Variants in DOCK5 observed in about 807,000 individuals in gnomAD.
DOCK5 encodes dedicator of cytokinesis 5, also known as dedicator of cytokinesis protein 5.
DOCK5 carries 142 observed loss-of-function variants against 251.8 expected under a neutral mutation model. The ratio of observed to expected loss-of-function variants is 0.56; its 90% confidence interval spans 0.49 to 0.65. DOCK5 has a LOEUF of 0.65. Among genes scored for constraint, DOCK5 ranks in the 30% least tolerant of loss-of-function variants. The probability of loss-of-function intolerance (pLI) is 0.00; values close to 1 mark genes in which losing one functional copy is unlikely to be tolerated. For synonymous variants in DOCK5, 842 were observed against 835.5 expected, an observed-to-expected ratio of 1.01 and a Z score of -0.13; for missense variants, 2,111 against 2,312.3, an observed-to-expected ratio of 0.91 and a Z score of 1.79.
intron 1 of DOCK5, among the ~76,000 whole-genome samples, chr8:25,190,950 A>AT (rs1254132216): frequency 2.6e-5 from 4 of 151,608 alleles, no homozygotes; most frequent in East Asian, 3.9e-4. Flanking sequence ...CGCCAGGCTA[A>AT]TTTTTTGTAT....
chr8:25,184,959 C>T lies in DOCK5; in HGVS notation c.43+8C>T. The stretch of plus-strand genomic sequence containing the variant: ...GGCAGAAGTACGGGGTTGGTGAGTG[C>T]GCGCCCCACCTTGTCCCGGCCCGAC... On this transcript the variant is annotated splice_region_variant and intron_variant, in intron 1 of 51. Coordinates refer to ENST00000276440, the MANE Select transcript of DOCK5 (RefSeq NM_024940.8). The T allele has an allele frequency of 1.4e-6, 2 of 1,406,976 alleles. No homozygotes were observed. The highest frequency in any genetic ancestry group is 1.9e-6 in the Non-Finnish European group (2 of 1,070,702). 87.2% of individuals were successfully genotyped at this position (1,406,976 alleles called of 1,614,324 possible).
intron 48 of DOCK5, 142 bp from the exon 49 acceptor site, chr8:25,407,841 A>T: frequency 1.0e-6 from 1 of 971,744 alleles, no homozygotes; most frequent in South Asian, 1.9e-5. Context: ...TCCAGCCTGA[A>T]TGATGGGAGA....
chr8:25,318,010 A>G (rs774464149), intron 14 of DOCK5, among the ~76,000 whole-genome samples: 15 of 152,158 alleles, frequency 9.9e-5, no homozygotes, highest in Non-Finnish European at 2.2e-4. Flanking sequence ...CTGGGAGGGT[A>G]TCTAAGTATC....
At chr8:25,314,237 A>C (rs1805177840) in intron 13 of DOCK5, among the ~76,000 whole-genome samples, 1 of 149,538 alleles carries the variant, frequency 6.7e-6, no homozygotes, top group Non-Finnish European at 1.5e-5. Flanking sequence ...TCAGCCTCCC[A>C]GGTAGCCAGG....
At chr8:25,343,539 T>G (rs1800296651) in intron 25 of DOCK5, among the ~76,000 whole-genome samples, 1 of 152,190 alleles carries the variant, frequency 6.6e-6, no homozygotes, top group African/African-American at 2.4e-5. Flanking sequence ...AATTTTGTCT[T>G]TAAAACAGGA....
intron 40 of DOCK5, among the ~76,000 whole-genome samples, chr8:25,386,756 C>G (rs1301591411): frequency 3.3e-5 from 5 of 152,162 alleles, no homozygotes; most frequent in African/African-American, 1.2e-4. Context: ...ACCACAGAGA[C>G]AGCAGTGATT....
intron 30 of DOCK5, among the ~76,000 whole-genome samples, chr8:25,365,100 T>G (rs1800753326): frequency 6.6e-6 from 1 of 152,234 alleles, no homozygotes. Flanking sequence ...TAAAGAACAG[T>G]TCTTATGCAC....
At chr8:25,209,393 G>C (rs1802076917) in intron 1 of DOCK5, among the ~76,000 whole-genome samples, 1 of 70,664 alleles carries the variant, frequency 1.4e-5, no homozygotes, top group African/African-American at 3.2e-5. Flanking sequence ...TGAGGGAGCG[G>C]GGTGGAGGCA....
chr8:25,309,108 G>A (rs933286815), intron 12 of DOCK5, among the ~76,000 whole-genome samples, 183 bp downstream of exon 12: 1 of 152,128 alleles, frequency 6.6e-6, no homozygotes, highest in Non-Finnish European at 1.5e-5. Flanking sequence ...TGCACCCAGC[G>A]GTGATTTGAT....
In DOCK5 at chr8:25,314,108, C is replaced by CTTTTT. The variant is rs71214561; in HGVS notation, c.1319-2883_1319-2879dup. On this transcript the variant is annotated intron_variant, in intron 13 of 51. Transcript: ENST00000276440. Reference sequence around the variant, plus strand: ...CTATTTCCTGCCTCAGGACTCCCCTCTTTTTTTTTTTTTTTTTTTTGAGGC... The same window carrying CTTTTT: ...CTATTTCCTGCCTCAGGACTCCCCTCTTTTTTTTTTTTTTTTTTTTTTTTTGAGGC... 2.3e-4 allele frequency among the ~76,000 whole-genome samples: 26 copies of CTTTTT among 115,232 alleles called. 1 individual carries two copies. The highest frequency in any genetic ancestry group is 2.4e-4 in the African/African-American group (7 of 29,636). The allele number at this position is 115,232 out of a possible 152,430, so 75.6% of individuals were successfully genotyped here. A position where few individuals can be genotyped will look rare whatever the true frequency, so the allele number is the denominator to read the frequency against.
chr8:25,302,606 G>A (rs1211051775), intron 10 of DOCK5, among the ~76,000 whole-genome samples, 152 bp downstream of exon 10: 2 of 152,174 alleles, frequency 1.3e-5, no homozygotes, highest in African/African-American at 4.8e-5. Context: ...AGATATTTGT[G>A]CATCCATGTT....
At chr8:25,252,956 C>T (rs756250275) in intron 2 of DOCK5, among the ~76,000 whole-genome samples, 9 of 152,102 alleles carry the variant, frequency 5.9e-5, no homozygotes, top group East Asian at 1.9e-4. Flanking sequence ...CTCAGCCTCC[C>T]GAGTAGCTGG....
chr8:25,186,340 C>T (rs1801429910), intron 1 of DOCK5, among the ~76,000 whole-genome samples: 1 of 148,186 alleles, frequency 6.7e-6, no homozygotes, highest in Admixed American at 6.7e-5. Context: ...TTGCTTCTGC[C>T]TCAGGGCTCT....
At chr8:25,286,179 C>T (rs1215221932) in intron 5 of DOCK5, among the ~76,000 whole-genome samples, 2 of 152,030 alleles carry the variant, frequency 1.3e-5, no homozygotes, top group Non-Finnish European at 2.9e-5. Context: ...CAGAAGGACC[C>T]AAACACCCCA....
rs574577450 is a variant in DOCK5 at position 25,266,302 on chromosome 8, G to A, written c.128-2543G>A. Among the ~76,000 whole-genome samples the A allele has an allele frequency of 8.6e-5, 13 of 151,006 alleles. No homozygotes were observed. In the South Asian group the frequency reaches 1.7e-3, roughly 19 times the overall value. Reference sequence around the variant, plus strand: ...ACTATCTCGGCTCACTGCAAGCTCCGCCTCCTGGGTTCACCCCATTCTCCT... The same window carrying A: ...ACTATCTCGGCTCACTGCAAGCTCCACCTCCTGGGTTCACCCCATTCTCCT... On this transcript the variant is annotated intron_variant, in intron 2 of 51. Coordinates refer to ENST00000276440, the MANE Select transcript of DOCK5 (RefSeq NM_024940.8).
rs1563309191 is a variant in DOCK5, at chr8:25,210,045, T to TATATAA, written c.43+25094_43+25095insATATAA. On this transcript the variant is annotated intron_variant, in intron 1 of 51. Coordinates refer to ENST00000276440, the MANE Select transcript of DOCK5 (RefSeq NM_024940.8). ...ATATATATATATATAAATGTGTGTG[T>TATATAA]GTGTGTGTGTGTGTGTGTGTGTGTA... Among the ~76,000 whole-genome samples the TATATAA allele has an allele frequency of 6.3e-4, 13 of 20,650 alleles. 3 individuals are homozygous for TATATAA. The highest frequency in any genetic ancestry group is 3.0e-3 in the African/African-American group (13 of 4,348). 13.5% of individuals were successfully genotyped at this position (20,650 alleles called of 152,430 possible).
intron 24 of DOCK5, 106 bp downstream of exon 24, chr8:25,341,915 TTAACTGAA>T (rs1222344274): frequency 1.1e-6 from 1 of 869,736 alleles, no homozygotes; most frequent in Admixed American, 2.8e-5. Context: ...CTAAGAAGTA[TTAACTGAA>T]TACCTTTTTG....
At chr8:25,313,016 T>A (rs1004414031) in intron 13 of DOCK5, among the ~76,000 whole-genome samples, 1 of 152,164 alleles carries the variant, frequency 6.6e-6, no homozygotes, top group African/African-American at 2.4e-5. Flanking sequence ...AAGATCTCCT[T>A]GAAAATACAG....
chr8:25,312,204 T>A (rs533525474), intron 13 of DOCK5, among the ~76,000 whole-genome samples: 32 of 152,158 alleles, frequency 2.1e-4, no homozygotes, highest in Non-Finnish European at 3.8e-4. Flanking sequence ...TTTTGTCTTC[T>A]TGTTAAGGAA....
Sources: allele counts gnomAD v4.1 joint callset (sites outside exome capture counted in the v4.1 genomes callset), GRCh38; gene constraint gnomAD v4.1.1; transcripts MANE v1.5; gene names NCBI Gene and HGNC (gene_info 2026-07-23, HGNC 2026-07-21).